PLCG2: variants seen among roughly 807,000 people sequenced by gnomAD.
PLCG2 encodes the protein phospholipase C gamma 2.
PLCG2 carries 69 observed loss-of-function variants against 175.6 expected under a neutral mutation model. The observed-to-expected ratio is 0.39, with a 90% CI of 0.32 to 0.48. The LOEUF is 0.48. Ranked by LOEUF, PLCG2 falls within the 20% of genes least tolerant of loss-of-function variation. PLCG2 has a pLI of 0.91. For synonymous variants in PLCG2, 827 were observed against 624.0 expected, an observed-to-expected ratio of 1.33 and a Z score of -4.85; for missense variants, 1,798 against 1,650.9, an observed-to-expected ratio of 1.09 and a Z score of -1.54.
chr16:81,749,966 G>A (rs887300597), intron 1 of PLCG2, among the ~76,000 whole-genome samples: 3 of 151,852 alleles, frequency 2.0e-5, no homozygotes, highest in Non-Finnish European at 2.9e-5. Context: ...AAAGAAAGCT[G>A]GCTGGATTTG....
At chr16:81,826,951 A>G (rs1472556638) in intron 2 of PLCG2, among the ~76,000 whole-genome samples, 1 of 152,106 alleles carries the variant, frequency 6.6e-6, no homozygotes, top group Non-Finnish European at 1.5e-5. Flanking sequence ...CCTCCTGTGG[A>G]TCCGATGAGA....
At chr16:81,834,049 G>A (rs1254949321) in intron 2 of PLCG2, among the ~76,000 whole-genome samples, 1 of 152,146 alleles carries the variant, frequency 6.6e-6, no homozygotes, top group Non-Finnish European at 1.5e-5. Flanking sequence ...GAGGTAACTG[G>A]ACTTACCTTG....
chr16:81,823,148 G>A (rs1017179335), intron 2 of PLCG2, among the ~76,000 whole-genome samples: 9 of 152,380 alleles, frequency 5.9e-5, no homozygotes, highest in East Asian at 1.9e-4. Flanking sequence ...GGATGATGGC[G>A]CCTTATGGTC....
chr16:81,749,159 A>G (rs547824502), intron 1 of PLCG2, among the ~76,000 whole-genome samples: 1 of 151,964 alleles, frequency 6.6e-6, no homozygotes, highest in South Asian at 2.1e-4. Flanking sequence ...TTCTCACACT[A>G]CTGGTTGGGT....
chr16:81,947,418 T>C (rs1003174904), intron 31 of PLCG2, among the ~76,000 whole-genome samples: 4 of 152,210 alleles, frequency 2.6e-5, no homozygotes, highest in African/African-American at 9.6e-5. Context: ...AGCTCGGCAT[T>C]TCTGTCCACA....
At chr16:81,772,506 T>A (rs1910303638) in intron 2 of PLCG2, among the ~76,000 whole-genome samples, 1 of 151,916 alleles carries the variant, frequency 6.6e-6, no homozygotes, top group Non-Finnish European at 1.5e-5. Context: ...AAGGGCTCAG[T>A]GTTTGTCCAA....
intron 2 of PLCG2, among the ~76,000 whole-genome samples, chr16:81,822,338 A>C (rs12596533): frequency 6.6e-6 from 1 of 152,140 alleles, no homozygotes; most frequent in Non-Finnish European, 1.5e-5. Flanking sequence ...GCTCCCCGGA[A>C]CCTGTGGGTA....
At chr16:81,777,288 A>G (rs1910432511), upstream of PLCG2, among the ~76,000 whole-genome samples, 1 of 152,198 alleles carries the variant, frequency 6.6e-6, no homozygotes, top group African/African-American at 2.4e-5. Flanking sequence ...TGCCATCAAG[A>G]GACTTAACCC....
intron 2 of PLCG2, among the ~76,000 whole-genome samples, chr16:81,786,508 G>A (rs1439751724): frequency 6.6e-6 from 1 of 152,170 alleles, no homozygotes; most frequent in Non-Finnish European, 1.5e-5. Flanking sequence ...ACAACTGGTC[G>A]AGTCATCTTT....
intron 2 of PLCG2, among the ~76,000 whole-genome samples, chr16:81,835,190 T>C (rs1160122245): frequency 1.3e-5 from 2 of 152,210 alleles, no homozygotes; most frequent in Non-Finnish European, 2.9e-5. Context: ...AAAATGGGTA[T>C]AATAATGACT....
intron 2 of PLCG2, among the ~76,000 whole-genome samples, chr16:81,805,561 C>T (rs1419696160): frequency 6.7e-6 from 1 of 149,752 alleles, no homozygotes; most frequent in Non-Finnish European, 1.5e-5. Flanking sequence ...AACAAAAGCT[C>T]AACAATAAGA....
chr16:81,793,185 A>T (rs11642558), intron 2 of PLCG2, among the ~76,000 whole-genome samples: 29,124 of 152,102 alleles, frequency 0.19, 3,160 homozygotes, highest in Non-Finnish European at 0.25. Context: ...GGTGTTGGAT[A>T]AGATGGTGCT....
rs536557658 is a variant in PLCG2 at position 81,795,168 on chromosome 16, T to G, written c.193+8986T>G. Among the ~76,000 whole-genome samples the G allele has an allele frequency of 1.2e-3, 190 of 152,324 alleles. 1 individual carries two copies. In the Middle Eastern group the frequency reaches 0.014, roughly 11 times the overall value. ...AGATCTCTAGAGGATCTTACAATCTTGTAGGAAAAGCAGAAAAAGTCAGAC... is the reference window on the plus strand; with the variant it reads ...AGATCTCTAGAGGATCTTACAATCTGGTAGGAAAAGCAGAAAAAGTCAGAC... On this transcript the variant is annotated intron_variant, in intron 2 of 32. Coordinates refer to ENST00000564138, the MANE Select transcript of PLCG2 (RefSeq NM_002661.5).
chr16:81,905,275 G>A (rs1909317008), intron 14 of PLCG2, 128 bp from the exon 15 acceptor site: 1 of 672,806 alleles, frequency 1.5e-6, no homozygotes, highest in Non-Finnish European at 2.7e-6. Context: ...CAGACTAAGA[G>A]GGAAGCCAGG....
At chr16:81,760,353 A>G (rs1281009186) in intron 2 of PLCG2, among the ~76,000 whole-genome samples, 1 of 152,056 alleles carries the variant, frequency 6.6e-6, no homozygotes, top group Non-Finnish European at 1.5e-5. Context: ...CCCTCCAGAT[A>G]CCAGGTGTTT....
At chr16:81,851,552 AC>A (rs1166226423) in intron 2 of PLCG2, among the ~76,000 whole-genome samples, 1 of 151,898 alleles carries the variant, frequency 6.6e-6, no homozygotes, top group Non-Finnish European at 1.5e-5. Context: ...TCACTCTGTC[AC>A]CCAGGCTGGA....
At chr16:81,759,273 T>G (rs189945796) in intron 2 of PLCG2, among the ~76,000 whole-genome samples, 2 of 152,338 alleles carry the variant, frequency 1.3e-5, no homozygotes, top group African/African-American at 4.8e-5. Context: ...TTTTGTTTTG[T>G]TTTTGGTTTT....
chr16:81,865,532 G>A (rs1194217206), intron 5 of PLCG2, among the ~76,000 whole-genome samples: 1 of 152,158 alleles, frequency 6.6e-6, no homozygotes, highest in Non-Finnish European at 1.5e-5. Context: ...CAAGCCCCTG[G>A]TTCCTGGGTT....
At chr16:81,778,021 AAAAAAAAAAAC>A (rs2056308170), upstream of PLCG2, among the ~76,000 whole-genome samples, 3 of 67,142 alleles carry the variant, frequency 4.5e-5, no homozygotes, top group East Asian at 3.2e-4. Context: ...TGTCTCAAAA[AAAAAAAAAAAC>A]AAAAAAAAAA....
Sources: gnomAD v4.1 joint callset for allele counts (sites outside exome capture counted in the v4.1 genomes callset) on GRCh38, gnomAD v4.1.1 for gene constraint, MANE v1.5 for transcripts, NCBI Gene and HGNC (gene_info 2026-07-23, HGNC 2026-07-21) for gene names.